FRMPD1: variants seen among roughly 807,000 people sequenced by gnomAD.
The protein encoded by FRMPD1 is FERM and PDZ domain containing 1.
In FRMPD1, 76 loss-of-function variants were observed where a neutral mutation model predicts 117.8. The ratio of observed to expected loss-of-function variants is 0.65; its 90% CI spans 0.54 to 0.78. The LOEUF is 0.78. FRMPD1 is among the 30% of genes least tolerant of loss of function. FRMPD1 has a pLI of 0.00. For synonymous variants in FRMPD1, 783 were observed against 770.4 expected (o/e 1.02, Z -0.27); for missense variants, 1,786 against 1,964.5 (o/e 0.91, Z 1.72).
At chr9:37,638,129 A>C in the FRMPD1 span, among the ~76,000 whole-genome samples, 1 of 149,654 alleles carries the variant, frequency 6.7e-6, no homozygotes, top group South Asian at 2.1e-4. Context: ...CCTGGAGTGC[A>C]CTGGCGTTAT....
the FRMPD1 span, among the ~76,000 whole-genome samples, chr9:37,638,561 A>G: frequency 2.1e-4 from 32 of 152,186 alleles, no homozygotes; most frequent in Non-Finnish European, 1.2e-4. Flanking sequence ...TTGTTTATGT[A>G]TCATCCCAGA....
intron 1 of FRMPD1, among the ~76,000 whole-genome samples, chr9:37,659,724 A>G (rs371950527): frequency 1.3e-5 from 2 of 152,130 alleles, no homozygotes; most frequent in South Asian, 4.2e-4. Context: ...GCTCCTTGAC[A>G]ACCCTGTAAG....
intron 2 of FRMPD1, among the ~76,000 whole-genome samples, chr9:37,706,455 A>G (rs10814603): frequency 0.68 from 102,893 of 151,944 alleles, 35,356 homozygotes; most frequent in East Asian, 0.94. Flanking sequence ...CAAGACAGCT[A>G]TTACTCCTTC....
chr9:37,735,555 C>T lies in FRMPD1; in HGVS notation c.1222C>T (p.Gln408Ter). 1.2e-6 allele frequency: 2 copies of T among 1,610,534 alleles called. No homozygotes were observed. Among genetic ancestry groups the T allele is most frequent in the Non-Finnish European group, 1.7e-6 (2 of 1,176,976 alleles). The change falls in exon 13 of 16, where the codon CAG becomes TAG. Residue 408 changes from glutamine to a stop codon, truncating the protein, a stop_gained. Transcript: ENST00000377765. LOFTEE classifies it high-confidence loss of function. ...GRIFNATLML[Q>*]DRESYIALLV... ...ATTCCCCTTCCACCCTCTGCAGTTA[C>T]AGGATAGAGAATCCTACATTGCCCT...
At chr9:37,610,498 G>T in the FRMPD1 span, among the ~76,000 whole-genome samples, 2 of 151,662 alleles carry the variant, frequency 1.3e-5, no homozygotes, top group African/African-American at 4.8e-5. Context: ...AAAACAAATG[G>T]TATACTGTTT....
Position 37,745,536 on chromosome 9 carries a change from A to G in FRMPD1, c.3504A>G (p.Thr1168=). 1 of 1,614,102 alleles carries G rather than the reference A, an allele frequency of 6.2e-7. No individual in the cohort carries two copies. The highest frequency in any genetic ancestry group is 8.5e-7 in the Non-Finnish European group (1 of 1,179,978). The part of the protein sequence containing the change: ...VTSLSLDAPV[T]GTEQIPPHPP... Reference sequence around the variant, plus strand: ...CCCTTTCTTTAGATGCTCCTGTAACAGGGACCGAGCAGATCCCACCACATC... The same window carrying G: ...CCCTTTCTTTAGATGCTCCTGTAACGGGGACCGAGCAGATCCCACCACATC... The change falls in exon 16 of 16, where the codon ACA becomes ACG. Residue 1168 remains threonine, a synonymous_variant. Transcript: ENST00000377765.
At chr9:37,631,640 G>C in the FRMPD1 span, among the ~76,000 whole-genome samples, 3 of 152,068 alleles carry the variant, frequency 2.0e-5, no homozygotes, top group Admixed American at 2.0e-4. Context: ...GCCTTGCTCT[G>C]TCACCCAGAC....
At chr9:37,730,203 C>T (rs1343508259) in intron 8 of FRMPD1, among the ~76,000 whole-genome samples, 1 of 152,170 alleles carries the variant, frequency 6.6e-6, no homozygotes, top group Non-Finnish European at 1.5e-5. Flanking sequence ...GCCTTTGAGC[C>T]ATTAGGGAAG....
chr9:37,733,407 A>T, intron 10 of FRMPD1, 66 bp from the exon 11 acceptor site: 1 of 1,460,954 alleles, frequency 6.8e-7, no homozygotes, highest in Non-Finnish European at 9.4e-7. Context: ...AAATGTAATT[A>T]TGCTCTTCAT....
chr9:37,735,099 TA>T (rs1824059234), intron 12 of FRMPD1, among the ~76,000 whole-genome samples: 1 of 152,160 alleles, frequency 6.6e-6, no homozygotes, highest in Admixed American at 6.5e-5. Context: ...TAAGAAGTCA[TA>T]AGTGTTCAGT....
the FRMPD1 span, among the ~76,000 whole-genome samples, chr9:37,637,964 C>T: frequency 9.3e-5 from 3 of 32,088 alleles, 1 homozygote; most frequent in Non-Finnish European, 1.5e-4. Flanking sequence ...ATGGTGTATG[C>T]TTTCTTTCTT....
chr9:37,672,769 C>A (rs10120955), intron 1 of FRMPD1, among the ~76,000 whole-genome samples: 23,898 of 151,812 alleles, frequency 0.16, 2,586 homozygotes, highest in East Asian at 0.47. Context: ...TGGCAGGAGG[C>A]AAGAACCAAG....
At chr9:37,629,157 C>T in the FRMPD1 span, among the ~76,000 whole-genome samples, 1 of 152,084 alleles carries the variant, frequency 6.6e-6, no homozygotes, top group Non-Finnish European at 1.5e-5. Context: ...CGAGGTTGTG[C>T]CATTGCACTC....
chr9:37,680,183 T>A (rs1563928456), intron 1 of FRMPD1, among the ~76,000 whole-genome samples: 1 of 152,078 alleles, frequency 6.6e-6, no homozygotes, highest in African/African-American at 2.4e-5. Context: ...GCAGAGACCA[T>A]CTGTACTGAG....
chr9:37,673,637 G>A (rs1161473445), intron 1 of FRMPD1, among the ~76,000 whole-genome samples: 2 of 152,228 alleles, frequency 1.3e-5, no homozygotes, highest in African/African-American at 4.8e-5. Context: ...CCCCACCCCT[G>A]CAGCAAACTT....
the FRMPD1 span, among the ~76,000 whole-genome samples, chr9:37,637,963 G>GCTTTCTTTCTTTCTTTCTTTCTTTCCTTT: frequency 8.5e-4 from 85 of 100,130 alleles, 9 homozygotes; most frequent in African/African-American, 3.0e-3. Flanking sequence ...AATGGTGTAT[G>GCTTTCTTTCTTTCTTTCTTTCTTTCCTTT]CTTTCTTTCT....
the FRMPD1 span, among the ~76,000 whole-genome samples, chr9:37,610,595 C>CTTT: frequency 2.9e-5 from 4 of 137,862 alleles, no homozygotes; most frequent in Non-Finnish European, 4.6e-5. Context: ...CTATCACATT[C>CTTT]TTTTTTTTTT....
At chr9:37,710,435 C>G (rs1282816431) in intron 4 of FRMPD1, among the ~76,000 whole-genome samples, 1 of 152,188 alleles carries the variant, frequency 6.6e-6, no homozygotes, top group Non-Finnish European at 1.5e-5. Context: ...AAGCAGTTAT[C>G]TGCTTGATTT....
chr9:37,686,456 T>C (rs1161641838), intron 1 of FRMPD1, among the ~76,000 whole-genome samples: 1 of 152,228 alleles, frequency 6.6e-6, no homozygotes, highest in Non-Finnish European at 1.5e-5. Context: ...GATGTGGACA[T>C]TTACTTCCTT....
Sources: gnomAD v4.1 joint callset for allele counts (sites outside exome capture counted in the v4.1 genomes callset) on GRCh38, gnomAD v4.1.1 for gene constraint, MANE v1.5 for transcripts, NCBI Gene and HGNC (gene_info 2026-07-23, HGNC 2026-07-21) for gene names.